Variants in OSBPL6 observed in about 807,000 individuals in gnomAD.
OSBPL6 encodes the protein oxysterol binding protein like 6, also known as oxysterol-binding protein-related protein 6.
OSBPL6 carries 49 observed loss-of-function variants against 125.8 expected under a neutral mutation model. The ratio of observed to expected loss-of-function variants is 0.39; its 90% CI spans 0.31 to 0.49. The LOEUF (loss-of-function observed/expected upper bound fraction) is 0.49, where lower values mean the gene tolerates loss of function less well. Ranked by LOEUF, OSBPL6 falls within the 20% of genes least tolerant of loss-of-function variation. The pLI is 0.88. For missense variants in OSBPL6, 986 were observed against 1,135.4 expected, an observed-to-expected ratio of 0.87 and a Z score of 1.89; for synonymous variants, 394 against 391.8, an observed-to-expected ratio of 1.01 and a Z score of -0.07.
At chr2:178,311,651 C>A (rs1687278730) in intron 3 of OSBPL6, among the ~76,000 whole-genome samples, 1 of 152,196 alleles carries the variant, frequency 6.6e-6, no homozygotes, top group Admixed American at 6.5e-5. Context: ...AGCTCGGCTC[C>A]AGAGGTCTTG....
intron 13 of OSBPL6, among the ~76,000 whole-genome samples, chr2:178,370,638 A>G (rs1693297299): frequency 1.3e-5 from 2 of 152,194 alleles, no homozygotes; most frequent in African/African-American, 4.8e-5. Flanking sequence ...TAAGAATGTT[A>G]TCACCTTTTT....
intron 6 of OSBPL6, among the ~76,000 whole-genome samples, chr2:178,332,298 G>A (rs571454509): frequency 7.9e-5 from 12 of 152,326 alleles, no homozygotes; most frequent in African/African-American, 1.7e-4. Context: ...TGGGTTATAC[G>A]TCAAAGATTG....
At chr2:178,350,196 G>T (rs1190175995) in intron 12 of OSBPL6, among the ~76,000 whole-genome samples, 1 of 152,214 alleles carries the variant, frequency 6.6e-6, no homozygotes, top group African/African-American at 2.4e-5. Flanking sequence ...ATCAGCCGCA[G>T]AGAGTAGGCT....
rs1055075523 is a variant in OSBPL6 at position 178,200,397 on chromosome 2, G to T, written c.-351+5723G>T. Among the ~76,000 whole-genome samples, 5 of 151,946 alleles carry T rather than the reference G, an allele frequency of 3.3e-5. No homozygotes were observed. The South Asian group carries it at 6.2e-4, about 19-fold the overall frequency. On this transcript the variant is annotated intron_variant, in intron 1 of 24. Transcript: ENST00000190611. ...CTCTCCAGTAGCTGGGACTACAGGT[G>T]TGTGTCACCATGCCTGGCTAATTTT...
At chr2:178,263,948 C>T (rs922134780) in intron 1 of OSBPL6, among the ~76,000 whole-genome samples, 2 of 151,992 alleles carry the variant, frequency 1.3e-5, no homozygotes, top group Non-Finnish European at 2.9e-5. Context: ...TTGGCCAGTG[C>T]TTTTAGTCAC....
chr2:178,299,972 T>A (rs1686134299), intron 2 of OSBPL6, among the ~76,000 whole-genome samples: 1 of 152,166 alleles, frequency 6.6e-6, no homozygotes. Context: ...CTAATGAGGT[T>A]CCTCCAAATT....
At chr2:178,297,164 TA>T (rs1669529247) in intron 2 of OSBPL6, among the ~76,000 whole-genome samples, 1 of 152,168 alleles carries the variant, frequency 6.6e-6, no homozygotes, top group African/African-American at 2.4e-5. Flanking sequence ...CCTTTTTTTT[TA>T]GGACAACTGA....
chr2:178,305,756 C>T (rs986436372), intron 2 of OSBPL6, among the ~76,000 whole-genome samples: 16 of 151,696 alleles, frequency 1.1e-4, no homozygotes, highest in Non-Finnish European at 2.2e-4. Flanking sequence ...TCAAATATAG[C>T]GTTATAATCT....
intron 1 of OSBPL6, among the ~76,000 whole-genome samples, chr2:178,247,972 A>G (rs2091553694): frequency 6.6e-6 from 1 of 152,176 alleles, no homozygotes; most frequent in African/African-American, 2.4e-5. Context: ...TCTTTTGAAG[A>G]TACTTGCCCT....
intron 1 of OSBPL6, among the ~76,000 whole-genome samples, chr2:178,244,870 A>G (rs1322760751): frequency 2.0e-5 from 3 of 152,192 alleles, no homozygotes; most frequent in Non-Finnish European, 2.9e-5. Context: ...TAATGGGAAA[A>G]ATATTTTCTC....
chr2:178,209,439 C>CTTTTTTTTTTTTTTTTTTTTTCTTT (rs71850875), intron 1 of OSBPL6, among the ~76,000 whole-genome samples: 1 of 95,758 alleles, frequency 1.0e-5, no homozygotes. Flanking sequence ...TTCTTTCTTT[C>CTTTTTTTTTTTTTTTTTTTTTCTTT]TTTTTTTTTT....
chr2:178,328,652 T>G lies in OSBPL6; in HGVS notation c.318+274T>G, dbSNP rs545763839. 2.6e-5 allele frequency among the ~76,000 whole-genome samples: 4 copies of G among 152,256 alleles called. No individual in the cohort carries two copies. The East Asian group carries it at 7.7e-4, about 29-fold the overall frequency. On this transcript the variant is annotated intron_variant, in intron 5 of 24. Coordinates refer to ENST00000190611, the MANE Select transcript of OSBPL6 (RefSeq NM_032523.4). ...ACAGGTGCATGCCACCATGCCTGAC[T>G]AATTTTTTTATTTTTAGTAGAGACA... is the stretch of plus-strand genomic sequence containing the variant.
At chr2:178,201,200 T>C (rs1247717420) in intron 1 of OSBPL6, among the ~76,000 whole-genome samples, 3 of 152,212 alleles carry the variant, frequency 2.0e-5, no homozygotes, top group Non-Finnish European at 2.9e-5. Context: ...GAATCATGGT[T>C]ACTCTGTCCA....
Position 178,368,232 on chromosome 2 carries a change from G to A in OSBPL6, c.1288-3894G>A, listed in dbSNP as rs536353323. ...ACCAGAAAGCTCATGGCGCTTGGTTGTAGCAAACTTTAAAAACAGCCTGTA... is the reference window on the plus strand; with the variant it reads ...ACCAGAAAGCTCATGGCGCTTGGTTATAGCAAACTTTAAAAACAGCCTGTA... On this transcript the variant is annotated intron_variant, in intron 13 of 24. Coordinates refer to ENST00000190611, the MANE Select transcript of OSBPL6 (RefSeq NM_032523.4). Among the ~76,000 whole-genome samples, 75 of 152,294 alleles carry A rather than the reference G, an allele frequency of 4.9e-4. 3 individuals carry two copies. In the South Asian group the frequency reaches 0.016, roughly 32 times the overall value.
Position 178,332,881 on chromosome 2 carries a change from A to C in OSBPL6, c.497A>C (p.Gln166Pro). 1 of 1,611,776 alleles carries C rather than the reference A, an allele frequency of 6.2e-7. No homozygotes were observed. The highest frequency in any genetic ancestry group is 8.5e-7 in the Non-Finnish European group (1 of 1,178,096). The change falls in exon 8 of 25, where the codon CAG becomes CCG. Residue 166 changes from glutamine (Q) to proline (P), a missense_variant. Physicochemically the swap from Gln to Pro is moderately conservative, Grantham distance 76. Coordinates refer to ENST00000190611, the MANE Select transcript of OSBPL6 (RefSeq NM_032523.4). The stretch of plus-strand genomic sequence containing the variant: ...CGTTCATTGTTTTAGGTGAAATCCC[A>C]GGACTGGTTTGATGCATGGGTCTCC... ...EHIYHLKVKS[Q>P]DWFDAWVSKL...
At chr2:178,230,524 A>C (rs1397376118) in intron 1 of OSBPL6, 1 of 152,218 alleles carries the variant, frequency 6.6e-6, no homozygotes, top group Non-Finnish European at 1.5e-5. Flanking sequence ...GTACTATGAA[A>C]TATGTCTAAA....
chr2:178,201,483 G>T (rs1282955654), intron 1 of OSBPL6, among the ~76,000 whole-genome samples: 2 of 152,224 alleles, frequency 1.3e-5, no homozygotes, highest in Non-Finnish European at 2.9e-5. Context: ...GCCTCCAGCT[G>T]CTGGCCTCAG....
rs150111669 is a variant in OSBPL6 at position 178,221,272 on chromosome 2, G to T, written c.-351+26598G>T. The stretch of plus-strand genomic sequence containing the variant: ...TAAATTGAATAAAAATAAAGAATTT[G>T]AGAGAAGTTGTTTAAATTTGGGTGA... On this transcript the variant is annotated intron_variant, in intron 1 of 24. Transcript: ENST00000190611. 2.4e-3 allele frequency among the ~76,000 whole-genome samples: 365 copies of T among 152,312 alleles called. 1 individual carries two copies. The highest frequency in any genetic ancestry group is 7.7e-3 in the African/African-American group (320 of 41,562).
intron 4 of OSBPL6, among the ~76,000 whole-genome samples, chr2:178,324,903 T>C (rs1288036257): frequency 6.6e-6 from 1 of 152,152 alleles, no homozygotes; most frequent in Non-Finnish European, 1.5e-5. Flanking sequence ...CAAGGTAAAA[T>C]AGAACCTATG....
Sources: gnomAD v4.1 joint callset for allele counts (sites outside exome capture counted in the v4.1 genomes callset) on GRCh38, gnomAD v4.1.1 for gene constraint, MANE v1.5 for transcripts, NCBI Gene and HGNC (gene_info 2026-07-23, HGNC 2026-07-21) for gene names.